SLC37A1: variants seen among roughly 807,000 people sequenced by gnomAD.
The protein encoded by SLC37A1 is solute carrier family 37 member 1, also known as glucose-6-phosphate exchanger SLC37A1.
In SLC37A1, 49 loss-of-function variants were observed where a neutral mutation model predicts 75.3. That is an observed-to-expected ratio of 0.65 (90% CI 0.52 to 0.83). The LOEUF (loss-of-function observed/expected upper bound fraction) is 0.83. Ranked by LOEUF, SLC37A1 falls within the 40% of genes least tolerant of loss-of-function variation. The probability of loss-of-function intolerance (pLI) is 0.00; values close to 1 mark genes in which losing one functional copy is unlikely to be tolerated. For synonymous variants in SLC37A1, 268 were observed against 292.1 expected (o/e 0.92, Z 0.84); for missense variants, 566 against 695.0 (o/e 0.81, Z 2.09).
In SLC37A1 at chr21:42,543,594, T is replaced by G; in HGVS notation, c.722T>G (p.Leu241Arg). Reference protein sequence around the residue: ...AAMGIVCFLFLIEHPNDVRCS... With the variant: ...AAMGIVCFLFRIEHPNDVRCS... ...ATGGGGATAGTGTGCTTTCTCTTCC[T>G]CATTGAACGTAAGTGCACGTGGCCT... The change falls in exon 8 of 20, where the codon CTC becomes CGC. Residue 241 changes from leucine to arginine, a missense_variant. Leu to Arg is a moderately radical substitution (Grantham distance 102). Transcript: ENST00000352133. 6.2e-7 allele frequency: 1 copy of G among 1,600,988 alleles called. No individual in the cohort carries two copies. Among genetic ancestry groups the G allele is most frequent in the Non-Finnish European group, 8.5e-7 (1 of 1,172,522 alleles).
chr21:42,512,076 CAA>C (rs35096877), upstream of SLC37A1, among the ~76,000 whole-genome samples: 1,613 of 145,796 alleles, frequency 0.011, 11 homozygotes, highest in African/African-American at 0.017. Context: ...TTCTCACCAC[CAA>C]AAAAAAAAAA....
chr21:42,516,135 G>C (rs936163380), intron 1 of SLC37A1, among the ~76,000 whole-genome samples: 1 of 152,184 alleles, frequency 6.6e-6, no homozygotes, highest in Non-Finnish European at 1.5e-5. Flanking sequence ...AGTTCCAGGG[G>C]GGCCTGTAGA....
intron 7 of SLC37A1, among the ~76,000 whole-genome samples, chr21:42,542,986 G>C (rs1056853958): frequency 6.6e-6 from 1 of 152,216 alleles, no homozygotes; most frequent in Non-Finnish European, 1.5e-5. Context: ...GTGGACGATC[G>C]CAAACAAGAT....
chr21:42,535,422 A>C (rs780733711), intron 4 of SLC37A1, 50 bp from the exon 5 acceptor site: 12 of 1,513,974 alleles, frequency 7.9e-6, no homozygotes, highest in Non-Finnish European at 1.1e-5. Context: ...GCTCTAGAAC[A>C]TAAACTAAAC....
intron 18 of SLC37A1, among the ~76,000 whole-genome samples, chr21:42,579,350 G>A (rs1053054602): frequency 2.6e-5 from 4 of 152,206 alleles, no homozygotes; most frequent in African/African-American, 7.2e-5. Context: ...TGGGCCACCC[G>A]CATTATGGTC....
intron 14 of SLC37A1, 79 bp downstream of exon 14, chr21:42,564,872 C>T: frequency 1.5e-6 from 2 of 1,355,788 alleles, no homozygotes; most frequent in Non-Finnish European, 2.1e-6. Flanking sequence ...AGCATCCTTC[C>T]ATCTGGCCCG....
At chr21:42,536,176 G>T (rs1183757620) in intron 5 of SLC37A1, among the ~76,000 whole-genome samples, 2 of 152,186 alleles carry the variant, frequency 1.3e-5, no homozygotes, top group African/African-American at 4.8e-5. Context: ...GACACCAGCT[G>T]GGATCTGAAC....
intron 3 of SLC37A1, among the ~76,000 whole-genome samples, chr21:42,529,979 T>G (rs1462720327): frequency 1.3e-5 from 2 of 152,150 alleles, no homozygotes; most frequent in Non-Finnish European, 2.9e-5. Flanking sequence ...TAAAAGCACC[T>G]TACTTAGGAA....
chr21:42,569,856 C>G (rs971341280), intron 17 of SLC37A1, among the ~76,000 whole-genome samples: 1 of 152,250 alleles, frequency 6.6e-6, no homozygotes, highest in Non-Finnish European at 1.5e-5. Flanking sequence ...GGGGCCCAGG[C>G]GGCTGACTGC....
chr21:42,525,376 G>A (rs936825636), intron 2 of SLC37A1, among the ~76,000 whole-genome samples: 1 of 152,220 alleles, frequency 6.6e-6, no homozygotes, highest in African/African-American at 2.4e-5. Flanking sequence ...CTCGGCCGGA[G>A]CCCCGCCCTG....
intron 11 of SLC37A1, 62 bp downstream of exon 11, chr21:42,559,151 G>T (rs2055763313): frequency 1.3e-6 from 2 of 1,564,980 alleles, no homozygotes; most frequent in East Asian, 2.3e-5. Context: ...TGGGAAGTCT[G>T]GTCGGTTGAT....
intron 16 of SLC37A1, 29 bp downstream of exon 16, chr21:42,567,087 CTGTGGGCACCCTGCCA>C: frequency 1.2e-6 from 2 of 1,605,378 alleles, no homozygotes; most frequent in East Asian, 4.5e-5. Context: ...GACACCAGCC[CTGTGGGCACCCTGCCA>C]TGTGCCATTC....
At chr21:42,559,675 A>C (rs1411619439) in intron 11 of SLC37A1, among the ~76,000 whole-genome samples, 1 of 147,978 alleles carries the variant, frequency 6.8e-6, no homozygotes, top group Admixed American at 6.6e-5. Flanking sequence ...CAGGAGTTCA[A>C]AACCAGCCTG....
intron 16 of SLC37A1, 149 bp from the exon 17 acceptor site, chr21:42,568,211 A>T: frequency 1.5e-6 from 1 of 657,020 alleles, no homozygotes; most frequent in Non-Finnish European, 2.7e-6. Context: ...TAACTCTCCA[A>T]GGCAAGCTTG....
chr21:42,514,682 C>G lies in SLC37A1; in HGVS notation c.-214C>G, dbSNP rs1568980099. Reference sequence around the variant, plus strand: ...GCCGCTGGCCACCAGCCTTCCAGCCCTTACGGCCCACGCCGTAATCCTGGT... The same window carrying G: ...GCCGCTGGCCACCAGCCTTCCAGCCGTTACGGCCCACGCCGTAATCCTGGT... On this transcript the variant is annotated 5_prime_UTR_variant, in exon 1 of 20. Coordinates refer to ENST00000352133, the MANE Select transcript of SLC37A1 (RefSeq NM_001320537.2). This position sits in a 1 kb window ranked among gnomAD's most constrained non-coding sequence, Gnocchi z 4.8. 6.6e-6 allele frequency: 1 copy of G among 152,380 alleles called. No homozygotes were observed. The highest frequency in any genetic ancestry group is 1.5e-5 in the Non-Finnish European group (1 of 68,172). The allele number at this position is 152,380 out of a possible 1,614,324, so 9.4% of individuals were successfully genotyped here. A position where few individuals can be genotyped will look rare whatever the true frequency, so the allele number is the denominator to read the frequency against.
At chr21:42,542,284 C>A in intron 6 of SLC37A1, 120 bp from the exon 7 acceptor site, 1 of 658,482 alleles carries the variant, frequency 1.5e-6, no homozygotes, top group Non-Finnish European at 2.6e-6. Context: ...AATTGACAGT[C>A]CATCTCTGGC....
chr21:42,546,537 G>A (rs774895529), intron 8 of SLC37A1, among the ~76,000 whole-genome samples: 1 of 152,176 alleles, frequency 6.6e-6, no homozygotes, highest in Non-Finnish European at 1.5e-5. Context: ...TGCTCTGCTT[G>A]TGATTATTGG....
At chr21:42,562,230 T>C in intron 12 of SLC37A1, 62 bp downstream of exon 12, 1 of 1,435,354 alleles carries the variant, frequency 7.0e-7, no homozygotes, top group Middle Eastern at 1.8e-4. Context: ...AAGTCTCTTC[T>C]GTCTGCTGGT....
chr21:42,555,029 A>G (rs1217811860), intron 10 of SLC37A1, among the ~76,000 whole-genome samples: 1 of 132,494 alleles, frequency 7.5e-6, no homozygotes, highest in Non-Finnish European at 1.5e-5. Flanking sequence ...TCTGTCGCCC[A>G]GTCTGGAGTG....
Sources: gnomAD v4.1 joint callset for allele counts (sites outside exome capture counted in the v4.1 genomes callset) on GRCh38, gnomAD v4.1.1 for gene constraint, Gnocchi (gnomAD v3.1) non-coding constraint, MANE v1.5 for transcripts, NCBI Gene and HGNC (gene_info 2026-07-23, HGNC 2026-07-21) for gene names.